Variants in UBR3 observed in about 807,000 individuals in gnomAD.
UBR3 encodes the protein E3 ubiquitin-protein ligase UBR3.
UBR3 carries 85 observed loss-of-function variants against 243.2 expected under a neutral mutation model. The ratio of observed to expected loss-of-function variants is 0.35; its 90% CI spans 0.29 to 0.42. The LOEUF is 0.42. Among genes scored for constraint, UBR3 ranks in the 10% least tolerant of loss-of-function variants. UBR3 has a pLI of 1.00. For synonymous variants in UBR3, 748 were observed against 799.8 expected (o/e 0.94, Z 1.09); for missense variants, 1,686 against 2,300.8 (o/e 0.73, Z 5.47).
chr2:170,079,384 A>T (rs1384796566), intron 36 of UBR3, among the ~76,000 whole-genome samples: 2 of 152,216 alleles, frequency 1.3e-5, no homozygotes, highest in African/African-American at 4.8e-5. Flanking sequence ...AGTTATAACC[A>T]TGATCTGTCC....
chr2:170,050,585 G>GT (rs550613120), intron 32 of UBR3, among the ~76,000 whole-genome samples: 9 of 152,030 alleles, frequency 5.9e-5, no homozygotes, highest in South Asian at 2.1e-4. Context: ...TATTTTGATA[G>GT]TTTTTTTTGT....
chr2:169,875,929 A>G lies in UBR3; in HGVS notation c.824A>G (p.Asn275Ser). 6.5e-7 allele frequency: 1 copy of G among 1,536,406 alleles called. No homozygotes were observed. Among genetic ancestry groups the G allele is most frequent in the Non-Finnish European group, 8.8e-7 (1 of 1,141,730 alleles). Residue 275 changes from asparagine to serine, a missense_variant, in exon 3 of 39, where the codon AAC becomes AGC. By Grantham distance (46) the Asn-to-Ser change is conservative (BLOSUM62 1). Transcript: ENST00000272793. ...ACTCAGGTTTTGACAAACCAACAAA[A>G]CTACAAAGATCTGACTTCTGGTGAG... ...VLTQVLTNQQ[N>S]YKDLTSGLGE...
chr2:170,016,332 T>C (rs1574401684), intron 30 of UBR3, among the ~76,000 whole-genome samples: 1 of 151,884 alleles, frequency 6.6e-6, no homozygotes, highest in East Asian at 1.9e-4. Flanking sequence ...GAATTTGATA[T>C]TTTCTTTTGG....
intron 19 of UBR3, among the ~76,000 whole-genome samples, chr2:169,942,044 C>G (rs1444411714): frequency 2.0e-5 from 3 of 152,186 alleles, no homozygotes; most frequent in Admixed American, 2.0e-4. Flanking sequence ...TTAATTCCTT[C>G]TTTTTTTCTG....
rs371232837 is a variant in UBR3 at position 170,064,024 on chromosome 2, C to T, written c.5019+2581C>T. Among the ~76,000 whole-genome samples, 44 of 152,220 alleles carry T rather than the reference C, an allele frequency of 2.9e-4. No homozygotes were observed. The South Asian group carries it at 7.3e-3, about 25-fold the overall frequency. Reference sequence around the variant, plus strand: ...ATACTTGCCAGCAGTTCTTCTTAGCCAGTGTGTAATGTTTGGCAGTCAGTT... The same window carrying T: ...ATACTTGCCAGCAGTTCTTCTTAGCTAGTGTGTAATGTTTGGCAGTCAGTT... On this transcript the variant is annotated intron_variant, in intron 35 of 38. Transcript: ENST00000272793.
intron 19 of UBR3, among the ~76,000 whole-genome samples, chr2:169,939,895 T>C (rs1054312769): frequency 6.6e-6 from 1 of 152,186 alleles, no homozygotes; most frequent in Non-Finnish European, 1.5e-5. Context: ...TAGTTTGGAT[T>C]GTCTTTTTTC....
intron 2 of UBR3, among the ~76,000 whole-genome samples, chr2:169,874,949 C>T (rs956976866): frequency 2.6e-5 from 4 of 151,820 alleles, no homozygotes; most frequent in African/African-American, 9.6e-5. Flanking sequence ...TCTGTAAAAC[C>T]TCTCTATATT....
At chr2:169,997,100 C>G (rs1401601554) in intron 26 of UBR3, among the ~76,000 whole-genome samples, 3 of 114,632 alleles carry the variant, frequency 2.6e-5, no homozygotes, top group African/African-American at 9.6e-5. Context: ...ATGCTAAGTT[C>G]TGCTTTTGCA....
intron 8 of UBR3, among the ~76,000 whole-genome samples, chr2:169,901,717 T>C (rs2084830538): frequency 6.6e-6 from 1 of 152,238 alleles, no homozygotes; most frequent in South Asian, 2.1e-4. Flanking sequence ...AGCCTTATAG[T>C]AGTATGTGAT....
intron 24 of UBR3, among the ~76,000 whole-genome samples, chr2:169,969,937 CTTTTT>C (rs34413545): frequency 6.7e-5 from 6 of 89,766 alleles, no homozygotes; most frequent in East Asian, 3.8e-4. Context: ...ATGCCTCCAG[CTTTTT>C]TTTTTTTTTT....
intron 8 of UBR3, 135 bp from the exon 9 acceptor site, chr2:169,904,979 C>T: frequency 3.5e-6 from 2 of 573,152 alleles, no homozygotes; most frequent in Non-Finnish European, 2.7e-6. Context: ...TGCCTAAAGC[C>T]ATATAGGTAT....
intron 30 of UBR3, among the ~76,000 whole-genome samples, chr2:170,022,830 C>T (rs1032326887): frequency 5.9e-5 from 9 of 152,050 alleles, no homozygotes; most frequent in African/African-American, 1.9e-4. Flanking sequence ...TGAGTCAGCT[C>T]CTGTCATCCA....
intron 28 of UBR3, among the ~76,000 whole-genome samples, chr2:170,008,440 ATAT>A (rs2105405737): frequency 6.6e-6 from 1 of 152,294 alleles, no homozygotes; most frequent in East Asian, 1.9e-4. Flanking sequence ...CGGGACATTG[ATAT>A]TATTCTTTGA....
Position 169,898,536 on chromosome 2 carries a change from T to C in UBR3, c.1465+1801T>C, listed in dbSNP as rs1574151497. 2.0e-5 allele frequency among the ~76,000 whole-genome samples: 3 copies of C among 152,222 alleles called. No homozygotes were observed. In the Middle Eastern group the frequency reaches 0.01, roughly 518 times the overall value. On this transcript the variant is annotated intron_variant, in intron 8 of 38. Coordinates refer to ENST00000272793, the MANE Select transcript of UBR3 (RefSeq NM_172070.4). ...AGTCAATGATCTGTGATCTTACAGCTCTGAGTGGTAAGGCCGGGTTGTCTA... is the reference window on the plus strand; with the variant it reads ...AGTCAATGATCTGTGATCTTACAGCCCTGAGTGGTAAGGCCGGGTTGTCTA...
At chr2:169,929,444 C>T (rs112495180) in intron 18 of UBR3, among the ~76,000 whole-genome samples, 6,565 of 152,118 alleles carry the variant, frequency 0.043, 160 homozygotes, top group Middle Eastern at 0.068. Context: ...GGCATGGTGG[C>T]AGGTGCCTGT....
rs1343694448 is a variant in UBR3, at chr2:169,925,628, G to T, written c.2032G>T (p.Ala678Ser). ...IHPLQIQASLAEIHSNMWVRN... is the reference protein window; with the variant it reads ...IHPLQIQASLSEIHSNMWVRN... ...AATTTACTTTTATTAGGCAAGTCTTGCAGAAATCCACAGCAATATGTGGGT... is the reference window on the plus strand; with the variant it reads ...AATTTACTTTTATTAGGCAAGTCTTTCAGAAATCCACAGCAATATGTGGGT... Residue 678 changes from alanine (A) to serine (S), a missense_variant, in exon 14 of 39, where the codon GCA (alanine) becomes TCA (serine). Ala to Ser is a moderately conservative substitution (Grantham distance 99, BLOSUM62 1). Transcript: ENST00000272793. The T allele has an allele frequency of 6.5e-7, 1 of 1,547,942 alleles. No homozygotes were observed. The highest frequency in any genetic ancestry group is 8.7e-7 in the Non-Finnish European group (1 of 1,145,592).
intron 19 of UBR3, among the ~76,000 whole-genome samples, chr2:169,934,204 T>G (rs1029528566): frequency 6.6e-6 from 1 of 152,136 alleles, no homozygotes; most frequent in African/African-American, 2.4e-5. Context: ...AATTGAAAAA[T>G]GAAGAAAATT....
chr2:170,046,090 C>T (rs1206360190), intron 32 of UBR3, among the ~76,000 whole-genome samples: 1 of 151,536 alleles, frequency 6.6e-6, no homozygotes, highest in Admixed American at 6.6e-5. Context: ...CCTCAGCTTC[C>T]CAAGTAGCTA....
At position 170,066,921 on chromosome 2, in the gene UBR3, G is replaced by A. The variant is rs570814745; in HGVS notation, c.5019+5478G>A. ...AGAGCTTGCAGTGAGCCGAGATCGCGCCACCGCACTCCAGCCTGGGCGACA... is the reference window on the plus strand; with the variant it reads ...AGAGCTTGCAGTGAGCCGAGATCGCACCACCGCACTCCAGCCTGGGCGACA... On this transcript the variant is annotated intron_variant, in intron 35 of 38. Coordinates refer to ENST00000272793, the MANE Select transcript of UBR3 (RefSeq NM_172070.4). Among the ~76,000 whole-genome samples the A allele has an allele frequency of 7.3e-5, 11 of 150,332 alleles. No individual in the cohort carries two copies. The South Asian group carries it at 8.5e-4, about 12-fold the overall frequency.
Sources: gnomAD v4.1 joint callset for allele counts (sites outside exome capture counted in the v4.1 genomes callset) on GRCh38, gnomAD v4.1.1 for gene constraint, MANE v1.5 for transcripts, NCBI Gene and HGNC (gene_info 2026-07-23, HGNC 2026-07-21) for gene names.